The following PCDHGA5 variants were observed in gnomAD, a reference collection of about 807,000 sequenced individuals.
The protein encoded by PCDHGA5 is protocadherin gamma-A5.
A neutral mutation model predicts 56.7 loss-of-function variants in PCDHGA5; 36 were observed. The ratio of observed to expected loss-of-function variants is 0.64; its 90% CI spans 0.49 to 0.84. The LOEUF is 0.84. Ranked by LOEUF, PCDHGA5 falls within the 40% of genes least tolerant of loss-of-function variation. The probability of loss-of-function intolerance (pLI) is 0.00; values close to 1 mark genes in which losing one functional copy is unlikely to be tolerated. For missense variants in PCDHGA5, 1,305 were observed against 1,201.5 expected (o/e 1.09, Z -1.27); for synonymous variants, 563 against 520.2 (o/e 1.08, Z -1.12).
intron 1 of PCDHGA5, among the ~76,000 whole-genome samples, chr5:141,387,190 T>C (rs2090856336): frequency 1.3e-5 from 2 of 152,124 alleles, no homozygotes; most frequent in African/African-American, 2.4e-5. Context: ...AAAAGGCAAT[T>C]TTGGTATTAC....
At chr5:141,375,707 C>G in intron 1 of PCDHGA5, 1 of 1,614,264 alleles carries the variant, frequency 6.2e-7, no homozygotes, top group Non-Finnish European at 8.5e-7. Context: ...GGACCCGCCT[C>G]TTAGCAGCAA....
chr5:141,460,537 C>T (rs2098991642), intron 1 of PCDHGA5, among the ~76,000 whole-genome samples: 1 of 152,062 alleles, frequency 6.6e-6, no homozygotes, highest in African/African-American at 2.4e-5. Context: ...ATAATCTTAG[C>T]ACCTTAATCA....
At position 141,487,219 on chromosome 5, in the gene PCDHGA5, A is replaced by G. The variant is rs750819958; in HGVS notation, c.2422-7588A>G. ...CAGATCTTCGAGAATCTTCAGCTCC[A>G]AGGGAAGGAGAATCTCGTCTAACCC... On this transcript the variant is annotated intron_variant, in intron 1 of 3. Transcript: ENST00000518069. This position sits in a 1 kb window ranked among gnomAD's most constrained non-coding sequence, Gnocchi z 5.0. The G allele has an allele frequency of 1.2e-6, 2 of 1,613,952 alleles. No individual in the cohort carries two copies. The highest frequency in any genetic ancestry group is 3.3e-5 in the Admixed American group (2 of 60,020).
intron 1 of PCDHGA5, chr5:141,404,860 T>C (rs3749769): frequency 0.09 from 144,859 of 1,613,622 alleles, 7,500 homozygotes; most frequent in African/African-American, 0.18. Context: ...TAGATAGAGA[T>C]GCGCTCAAAC....
At chr5:141,368,030 G>A (rs1323866640) in intron 1 of PCDHGA5, among the ~76,000 whole-genome samples, 1 of 152,122 alleles carries the variant, frequency 6.6e-6, no homozygotes. Context: ...TCAAATTCCA[G>A]GAGGATGTGT....
intron 1 of PCDHGA5, among the ~76,000 whole-genome samples, chr5:141,483,709 G>A (rs1486825412): frequency 1.3e-5 from 2 of 152,036 alleles, no homozygotes; most frequent in Non-Finnish European, 2.9e-5. Flanking sequence ...TTTGACACCA[G>A]AATATTGGTT....
At chr5:141,415,729 T>A in intron 1 of PCDHGA5, 1 of 1,442,780 alleles carries the variant, frequency 6.9e-7, no homozygotes, top group Non-Finnish European at 9.1e-7. Flanking sequence ...TAGAATTTGA[T>A]GTTTATTAAG....
chr5:141,394,560 G>GGGCT, intron 1 of PCDHGA5: 2 of 1,614,118 alleles, frequency 1.2e-6, no homozygotes, highest in Non-Finnish European at 1.7e-6. Flanking sequence ...CCGCTCCGCA[G>GGGCT]AGCGTGGCTA....
intron 1 of PCDHGA5, among the ~76,000 whole-genome samples, chr5:141,380,801 AT>A (rs1776749377): frequency 6.6e-6 from 1 of 152,258 alleles, no homozygotes; most frequent in Non-Finnish European, 1.5e-5. Context: ...TAAGAAACAA[AT>A]GTGAGATGAA....
intron 1 of PCDHGA5, chr5:141,417,926 C>T (rs779409064): frequency 6.2e-7 from 1 of 1,610,108 alleles, no homozygotes; most frequent in East Asian, 2.2e-5. Context: ...TTTGCTGCTG[C>T]CTTTGTTCTA....
chr5:141,477,506 G>T lies in PCDHGA5; in HGVS notation c.2422-17301G>T, dbSNP rs766083208. 6.2e-7 allele frequency: 1 copy of T among 1,614,028 alleles called. No homozygotes were observed. The highest frequency in any genetic ancestry group is 8.5e-7 in the Non-Finnish European group (1 of 1,180,016). On this transcript the variant is annotated intron_variant, in intron 1 of 3. Coordinates refer to ENST00000518069, the MANE Select transcript of PCDHGA5 (RefSeq NM_018918.3). This position sits in a 1 kb window ranked among gnomAD's most constrained non-coding sequence, Gnocchi z 4.9. ...ACAATCTTCTCAATCTTCCTACGAC[G>T]TTTACATTGAAGAAAACAACCTCCC...
In PCDHGA5 at chr5:141,432,413, G is replaced by A; in HGVS notation, c.2422-62394G>A. 1.2e-6 allele frequency: 2 copies of A among 1,614,232 alleles called. No homozygotes were observed. The highest frequency in any genetic ancestry group is 2.2e-5 in the South Asian group (2 of 91,082). Reference sequence around the variant, plus strand: ...CAGCAACGTGTCGTTGAGCCTGTTCGTGCTGGACCAGAACGACAATGCGCC... The same window carrying A: ...CAGCAACGTGTCGTTGAGCCTGTTCATGCTGGACCAGAACGACAATGCGCC... On this transcript the variant is annotated intron_variant, in intron 1 of 3. Coordinates refer to ENST00000518069, the MANE Select transcript of PCDHGA5 (RefSeq NM_018918.3). The surrounding 1 kb of genome is among the most constrained non-coding windows in gnomAD (Gnocchi z 6.0).
rs55729045 is a variant in PCDHGA5 at position 141,395,542 on chromosome 5, TTGTGTGTGTGTGTG to T, written c.2421+28827_2421+28840del. ...TCCATACTGGTAATTTTGCTATTGT[TTGTGTGTGTGTGTG>T]TGTGTGTGTGTGTGTGTGTGTGTGT... On this transcript the variant is annotated intron_variant, in intron 1 of 3. Transcript: ENST00000518069. The T allele has an allele frequency of 6.1e-4, 106 of 172,624 alleles. 1 individual carries two copies. Among genetic ancestry groups the T allele is most frequent in the South Asian group, 8.7e-4 (10 of 11,526 alleles). The allele number at this position is 172,624 out of a possible 1,614,324, so 10.7% of individuals were successfully genotyped here.
chr5:141,486,565 TC>T lies in PCDHGA5; in HGVS notation c.2422-8240del. The T allele has an allele frequency of 6.2e-7, 1 of 1,614,024 alleles. No homozygotes were observed. The highest frequency in any genetic ancestry group is 2.2e-5 in the East Asian group (1 of 44,880). On this transcript the variant is annotated intron_variant, in intron 1 of 3. Transcript: ENST00000518069. This position sits in a 1 kb window ranked among gnomAD's most constrained non-coding sequence, Gnocchi z 5.0. Reference sequence around the variant, plus strand: ...TTCAGAGGTCACATGAGGTGTTTGTTCCTGAGAACAATCGCCCAGGGGACCT... The same window carrying T: ...TTCAGAGGTCACATGAGGTGTTTGTTCTGAGAACAATCGCCCAGGGGACCT...
At chr5:141,501,312 C>T (rs2099807672) in intron 2 of PCDHGA5, among the ~76,000 whole-genome samples, 1 of 151,778 alleles carries the variant, frequency 6.6e-6, no homozygotes, top group South Asian at 2.1e-4. Context: ...CACACACACA[C>T]ACACACACAC....
At chr5:141,483,753 G>A (rs1316976446) in intron 1 of PCDHGA5, among the ~76,000 whole-genome samples, 1 of 152,082 alleles carries the variant, frequency 6.6e-6, no homozygotes, top group Non-Finnish European at 1.5e-5. Flanking sequence ...CCTGAGGATC[G>A]AGGCTTGGAA....
At chr5:141,384,039 T>C in intron 1 of PCDHGA5, 1 of 1,612,888 alleles carries the variant, frequency 6.2e-7, no homozygotes, top group East Asian at 2.2e-5. Flanking sequence ...GAAAGAATGG[T>C]GAGGTGACCT....
At chr5:141,368,899 T>A (rs1765918002) in intron 1 of PCDHGA5, among the ~76,000 whole-genome samples, 1 of 152,202 alleles carries the variant, frequency 6.6e-6, no homozygotes, top group Admixed American at 6.5e-5. Context: ...ATTTTTGATG[T>A]TTGTATAAAG....
intron 2 of PCDHGA5, among the ~76,000 whole-genome samples, chr5:141,504,948 T>C (rs1044527570): frequency 2.0e-5 from 3 of 152,080 alleles, no homozygotes; most frequent in Admixed American, 1.3e-4. Flanking sequence ...GAATGCACTA[T>C]GTTCAATGCA....
Sources: gnomAD v4.1 joint callset for allele counts (sites outside exome capture counted in the v4.1 genomes callset) on GRCh38, gnomAD v4.1.1 for gene constraint, Gnocchi (gnomAD v3.1) non-coding constraint, MANE v1.5 for transcripts, NCBI Gene and HGNC (gene_info 2026-07-23, HGNC 2026-07-21) for gene names.